The following CACNA1E variants were observed in gnomAD, a reference collection of about 807,000 sequenced individuals.
CACNA1E encodes voltage-dependent R-type calcium channel subunit alpha-1E.
CACNA1E carries 40 observed loss-of-function variants against 259.2 expected under a neutral mutation model. The observed-to-expected ratio is 0.15, with a 90% CI of 0.12 to 0.20. The LOEUF (loss-of-function observed/expected upper bound fraction) is 0.20, where lower values mean the gene tolerates loss of function less well. Ranked by LOEUF, CACNA1E falls within the 10% of genes least tolerant of loss-of-function variation. CACNA1E has a pLI of 1.00. For missense variants in CACNA1E, 1,874 were observed against 3,040.1 expected (o/e 0.62, Z 9.02); for synonymous variants, 1,104 against 1,138.5 (o/e 0.97, Z 0.61).
rs12071166 is a variant in CACNA1E, at chr1:181,337,930, C to T, written c.-15+19807C>T. Among the ~76,000 whole-genome samples, 844 of 152,292 alleles carry T rather than the reference C, an allele frequency of 5.5e-3. 9 individuals carry two copies. The highest frequency in any genetic ancestry group is 0.02 in the African/African-American group (811 of 41,546). On this transcript the variant is annotated intron_variant, in intron 1 of 11. Coordinates refer to the CACNA1E transcript ENST00000524607. ...TTCTATTTTTAATTTTTTTGAGGAA[C>T]ATCCATGCTGTTTTCCATAATGATT...
intron 1 of CACNA1E, among the ~76,000 whole-genome samples, chr1:181,484,441 C>G (rs1663600406): frequency 6.6e-6 from 1 of 152,244 alleles, no homozygotes; most frequent in African/African-American, 2.4e-5. Context: ...AGACACCGCA[C>G]TGTCTTCCTG....
rs138138570 is a variant in CACNA1E, at chr1:181,508,068, C to G, written c.267-2409C>G. 2.6e-5 allele frequency among the ~76,000 whole-genome samples: 4 copies of G among 151,818 alleles called. No homozygotes were observed. In the East Asian group the frequency reaches 7.8e-4, roughly 29 times the overall value. ...TGCCCAGGTATGTTCCTGGGAACAC[C>G]GTTCAAAAGAGATGCTCTGAAAAAA... On this transcript the variant is annotated intron_variant, in intron 1 of 47. Transcript: ENST00000367573.
chr1:181,714,735 G>A (rs1036626736), intron 8 of CACNA1E, among the ~76,000 whole-genome samples: 1 of 152,126 alleles, frequency 6.6e-6, no homozygotes, highest in Admixed American at 6.5e-5. Context: ...ATTCATGATT[G>A]GCCCAAGCCT....
chr1:181,356,340 T>TCGTG (rs1553234177), intron 1 of CACNA1E, among the ~76,000 whole-genome samples: 2 of 133,804 alleles, frequency 1.5e-5, no homozygotes, highest in African/African-American at 5.6e-5. Context: ...TGCCTTCTAT[T>TCGTG]CGTGTGTGTG....
chr1:181,376,188 C>T (rs1392356967), intron 1 of CACNA1E, among the ~76,000 whole-genome samples: 3 of 152,184 alleles, frequency 2.0e-5, no homozygotes, highest in Non-Finnish European at 4.4e-5. Context: ...TGGCTGGGAA[C>T]GAGAGTGGGC....
chr1:181,461,259 G>A (rs1401070983), intron 2 of CACNA1E, among the ~76,000 whole-genome samples: 2 of 152,096 alleles, frequency 1.3e-5, no homozygotes, highest in African/African-American at 2.4e-5. Context: ...AAGAAGTGTT[G>A]GGCCGGGCGC....
chr1:181,581,482 G>C (rs2102983874), intron 6 of CACNA1E, among the ~76,000 whole-genome samples: 1 of 152,292 alleles, frequency 6.6e-6, no homozygotes, highest in African/African-American at 2.4e-5. Flanking sequence ...CTAGTGAGCT[G>C]TGCTTTTTTC....
chr1:181,348,396 C>G (rs187920198), intron 1 of CACNA1E, among the ~76,000 whole-genome samples: 3 of 152,264 alleles, frequency 2.0e-5, no homozygotes, highest in African/African-American at 7.2e-5. Flanking sequence ...TTCCCCACAT[C>G]TAGTGCATTC....
chr1:181,452,977 T>G (rs913626421), intron 2 of CACNA1E, among the ~76,000 whole-genome samples: 1 of 152,254 alleles, frequency 6.6e-6, no homozygotes, highest in Non-Finnish European at 1.5e-5. Flanking sequence ...GCATTGTTGC[T>G]GACCCTGTGA....
intron 6 of CACNA1E, among the ~76,000 whole-genome samples, chr1:181,583,634 A>G (rs1021320281): frequency 6.6e-5 from 10 of 152,006 alleles, no homozygotes; most frequent in Non-Finnish European, 1.5e-4. Context: ...CCTCCCTATG[A>G]CCTTGTGTTG....
chr1:181,482,679 C>T (rs1014796489), upstream of CACNA1E, among the ~76,000 whole-genome samples: 2 of 152,276 alleles, frequency 1.3e-5, no homozygotes, highest in African/African-American at 4.8e-5. Flanking sequence ...GCATCTTCTC[C>T]AGTGCTCCGC....
intron 3 of CACNA1E, among the ~76,000 whole-genome samples, chr1:181,550,346 G>A (rs1011581378): frequency 3.3e-5 from 5 of 152,108 alleles, no homozygotes; most frequent in Admixed American, 3.3e-4. Context: ...TGGGTGTGGT[G>A]CCCTATAGAA....
At chr1:181,718,022 G>A (rs753849647) in intron 11 of CACNA1E, 33 bp from the exon 12 acceptor site, 3 of 1,104,450 alleles carry the variant, frequency 2.7e-6, no homozygotes, top group Non-Finnish European at 4.1e-6. Context: ...CACCCCACAT[G>A]TGGAACCAAT....
chr1:181,437,861 T>A (rs879033737), intron 2 of CACNA1E, among the ~76,000 whole-genome samples: 2 of 152,152 alleles, frequency 1.3e-5, no homozygotes, highest in Non-Finnish European at 2.9e-5. Context: ...TGTAAATGAC[T>A]CCCACATTTA....
At chr1:181,571,004 T>C (rs1650354131) in intron 3 of CACNA1E, among the ~76,000 whole-genome samples, 1 of 152,222 alleles carries the variant, frequency 6.6e-6, no homozygotes, top group African/African-American at 2.4e-5. Flanking sequence ...TATACCTTTT[T>C]GGAGGGAGGG....
Position 181,739,264 on chromosome 1 carries a change from CTT to C in CACNA1E, c.3719+14_3719+15del, listed in dbSNP as rs1387763891. 9 of 1,544,536 alleles carry C rather than the reference CTT, an allele frequency of 5.8e-6. No individual in the cohort carries two copies. The highest frequency in any genetic ancestry group is 3.4e-4 in the Middle Eastern group (2 of 5,926). Reference sequence around the variant, plus strand: ...GGCCTTTGCTCTGGCGTAAGTGACTCTTTTCATATTTGATTCCCTTCCTTCCC... The same window carrying C: ...GGCCTTTGCTCTGGCGTAAGTGACTCTTCATATTTGATTCCCTTCCTTCCC... On this transcript the variant is annotated intron_variant, in intron 25 of 47. Coordinates refer to ENST00000367573, the MANE Select transcript of CACNA1E (RefSeq NM_001205293.3).
At chr1:181,454,063 G>T (rs977388308) in intron 2 of CACNA1E, among the ~76,000 whole-genome samples, 4 of 152,186 alleles carry the variant, frequency 2.6e-5, no homozygotes, top group African/African-American at 9.7e-5. Flanking sequence ...TGAAAGGGTG[G>T]GAGAGCGTGC....
chr1:181,684,797 G>C (rs568419734), intron 7 of CACNA1E, among the ~76,000 whole-genome samples: 2 of 150,572 alleles, frequency 1.3e-5, no homozygotes, highest in South Asian at 4.2e-4. Flanking sequence ...TTGCTGATTT[G>C]CTTTGTTTCA....
rs1558319263 is a variant in CACNA1E at position 181,732,532 on chromosome 1, T to A, written c.2446T>A (p.Ser816Thr). Residue 816 changes from serine (S) to threonine (T), a missense_variant, in exon 20 of 48, where the codon TCC (serine) becomes ACC (threonine). By Grantham distance (58) the Ser-to-Thr change is moderately conservative (BLOSUM62 1). Transcript: ENST00000367573. The surrounding 1 kb of genome is among the most constrained non-coding windows in gnomAD (Gnocchi z 5.5). ...GCTCAACCCCCTCAACCCGCTCAGC[T>A]CCCTCAACCCGCTCAATGCCCACCC... ...NPLNPLNPLS[S>T]LNPLNAHPSL... The A allele has an allele frequency of 6.4e-7, 1 of 1,550,960 alleles. No homozygotes were observed. Among genetic ancestry groups the A allele is most frequent in the Non-Finnish European group, 8.7e-7 (1 of 1,146,706 alleles).
Sources: gnomAD v4.1 joint callset for allele counts (sites outside exome capture counted in the v4.1 genomes callset) on GRCh38, gnomAD v4.1.1 for gene constraint, Gnocchi (gnomAD v3.1) non-coding constraint, MANE v1.5 for transcripts, NCBI Gene and HGNC (gene_info 2026-07-23, HGNC 2026-07-21) for gene names.